STAT5B: variants seen among roughly 807,000 people sequenced by gnomAD.
STAT5B encodes the protein transcription factor STAT5B.
STAT5B carries 21 observed loss-of-function variants against 107.8 expected under a neutral mutation model. The observed-to-expected ratio is 0.19, with a 90% CI of 0.14 to 0.28. The LOEUF (loss-of-function observed/expected upper bound fraction) is 0.28, where lower values mean the gene tolerates loss of function less well. Ranked by LOEUF, STAT5B falls within the 10% of genes least tolerant of loss-of-function variation. The probability of loss-of-function intolerance (pLI) is 1.00; values close to 1 mark genes in which losing one functional copy is unlikely to be tolerated. For synonymous variants in STAT5B, 325 were observed against 401.7 expected, an observed-to-expected ratio of 0.81 and a Z score of 2.28; for missense variants, 565 against 1,008.2, an observed-to-expected ratio of 0.56 and a Z score of 5.95.
At chr17:42,258,151 TTTTAC>T (rs1274770808) in intron 1 of STAT5B, among the ~76,000 whole-genome samples, 39 of 152,340 alleles carry the variant, frequency 2.6e-4, no homozygotes, top group Non-Finnish European at 4.3e-4. Flanking sequence ...TGAGGAATAA[TTTTAC>T]ATTCAATAAA....
intron 5 of STAT5B, among the ~76,000 whole-genome samples, chr17:42,222,151 GTGTGTGTGA>G (rs928379911): frequency 1.3e-5 from 2 of 149,148 alleles, no homozygotes; most frequent in African/African-American, 5.0e-5. Context: ...TGTGTGTGCT[GTGTGTGTGA>G]TGTGTGTGGT....
chr17:42,205,524 C>A, intron 16 of STAT5B, among the ~76,000 whole-genome samples: 1 of 152,298 alleles, frequency 6.6e-6, no homozygotes, highest in African/African-American at 2.4e-5. Context: ...CCATTCTCAA[C>A]CCAGGATTTT....
chr17:42,279,773 C>T (rs531292465), upstream of STAT5B, among the ~76,000 whole-genome samples: 1 of 151,432 alleles, frequency 6.6e-6, no homozygotes, highest in Non-Finnish European at 1.5e-5. Flanking sequence ...TGCACTCCAG[C>T]CTGGGCAGCA....
upstream of STAT5B, chr17:42,276,452 G>T (rs1415812492): frequency 6.8e-6 from 1 of 147,892 alleles, no homozygotes; most frequent in Non-Finnish European, 1.5e-5. The surrounding 1 kb of genome is among the most constrained non-coding windows in gnomAD (Gnocchi z 4.8). Flanking sequence ...GAGGCCCAGG[G>T]ACGCGCGCCG....
intron 1 of STAT5B, among the ~76,000 whole-genome samples, chr17:42,255,086 T>C (rs1225436455): frequency 2.0e-5 from 3 of 151,652 alleles, no homozygotes; most frequent in Non-Finnish European, 4.4e-5. Context: ...CGAGACTCCG[T>C]CTAAAAAAAA....
Position 42,227,700 on chromosome 17 carries a change from TTACA to T in STAT5B, c.129-19_129-16del, listed in dbSNP as rs1304072610. 2 of 1,613,536 alleles carry T rather than the reference TTACA, an allele frequency of 1.2e-6. No individual in the cohort carries two copies. Among genetic ancestry groups the T allele is most frequent in the Admixed American group, 1.7e-5 (1 of 59,918 alleles). On this transcript the variant is annotated splice_polypyrimidine_tract_variant and intron_variant, in intron 2 of 18. Transcript: ENST00000293328. ...CTACTGAGTCCCTAGGGGAAAAAAATTACATAATCTGTATACATACATGCACGTG... is the reference window on the plus strand; with the variant it reads ...CTACTGAGTCCCTAGGGGAAAAAAATTAATCTGTATACATACATGCACGTG...
At chr17:42,262,904 A>G (rs1377972531) in intron 1 of STAT5B, among the ~76,000 whole-genome samples, 8 of 120,700 alleles carry the variant, frequency 6.6e-5, no homozygotes, top group South Asian at 2.5e-4. Flanking sequence ...GTGTATATAT[A>G]TGTGTATATA....
Position 42,201,660 on chromosome 17 carries a change from G to T in STAT5B, c.*78C>A, listed in dbSNP as rs562669599. The T allele has an allele frequency of 1.0e-5, 10 of 973,488 alleles. No homozygotes were observed. The highest frequency in any genetic ancestry group is 1.3e-5 in the Non-Finnish European group (8 of 595,862). The allele number at this position is 973,488 out of a possible 1,614,324, so 60.3% of individuals were successfully genotyped here. On this transcript the variant is annotated 3_prime_UTR_variant, in exon 19 of 19. Transcript: ENST00000293328. ...ATGAGTATTGTTTCAAAAGAGAAGC[G>T]ATTCATGGAATTAAAACATCCACAA...
At chr17:42,261,800 T>G (rs905617139) in intron 1 of STAT5B, among the ~76,000 whole-genome samples, 2 of 152,196 alleles carry the variant, frequency 1.3e-5, no homozygotes, top group Non-Finnish European at 2.9e-5. Context: ...GCTCAAGTGA[T>G]GAGCCCACCT....
intron 9 of STAT5B, 47 bp downstream of exon 9, chr17:42,218,104 A>G: frequency 6.3e-7 from 1 of 1,598,448 alleles, no homozygotes; most frequent in South Asian, 1.1e-5. Flanking sequence ...TCCTGTTGCC[A>G]GGACATGAGA....
intron 12 of STAT5B, 59 bp downstream of exon 12, chr17:42,215,955 A>G (rs2080168178): frequency 1.3e-6 from 2 of 1,560,626 alleles, no homozygotes; most frequent in Non-Finnish European, 1.8e-6. Context: ...TAATACATAA[A>G]TGAGATTCAT....
chr17:42,263,504 T>C (rs930960193), intron 1 of STAT5B, among the ~76,000 whole-genome samples: 1 of 152,132 alleles, frequency 6.6e-6, no homozygotes, highest in Non-Finnish European at 1.5e-5. Flanking sequence ...GGATTCCCTG[T>C]ATTATCATCT....
At chr17:42,259,035 T>A (rs2080571486) in intron 1 of STAT5B, among the ~76,000 whole-genome samples, 1 of 152,228 alleles carries the variant, frequency 6.6e-6, no homozygotes, top group African/African-American at 2.4e-5. Flanking sequence ...ATATGATTCT[T>A]TTCTAGACAA....
chr17:42,221,218 G>A (rs1334166818), intron 5 of STAT5B, among the ~76,000 whole-genome samples: 2 of 152,150 alleles, frequency 1.3e-5, no homozygotes, highest in East Asian at 1.9e-4. Context: ...ATCCAGGGAC[G>A]GACAGATCCA....
chr17:42,241,359 A>G (rs1377399507), intron 1 of STAT5B, among the ~76,000 whole-genome samples: 1 of 150,110 alleles, frequency 6.7e-6, no homozygotes, highest in African/African-American at 2.4e-5. Flanking sequence ...AAAAAAAAAG[A>G]GCAAATTCCC....
chr17:42,254,770 G>C (rs2080527772), intron 1 of STAT5B, among the ~76,000 whole-genome samples: 2 of 152,062 alleles, frequency 1.3e-5, no homozygotes, highest in African/African-American at 2.4e-5. Context: ...AAAGGAAGAT[G>C]TAATGAGAAT....
At chr17:42,248,272 C>A (rs2080468676) in intron 1 of STAT5B, among the ~76,000 whole-genome samples, 1 of 84,822 alleles carries the variant, frequency 1.2e-5, no homozygotes, top group Non-Finnish European at 2.3e-5. Flanking sequence ...AAGATCTTGT[C>A]CAAAAAAAAA....
Position 42,210,618 on chromosome 17 carries a change from A to C in STAT5B, c.1681-121T>G, listed in dbSNP as rs893618560. The C allele has an allele frequency of 3.1e-5, 29 of 932,386 alleles. 1 individual carries two copies. The highest frequency in any genetic ancestry group is 1.3e-4 in the East Asian group (5 of 38,556). The allele number at this position is 932,386 out of a possible 1,614,324, so 57.8% of individuals were successfully genotyped here. ...ATCTACCCTTGTCAGAGGCATACAA[A>C]TATCCCCGCCTACCTGAGTTTTACC... is the stretch of plus-strand genomic sequence containing the variant. On this transcript the variant is annotated intron_variant, in intron 13 of 18. Coordinates refer to ENST00000293328, the MANE Select transcript of STAT5B (RefSeq NM_012448.4).
intron 1 of STAT5B, among the ~76,000 whole-genome samples, chr17:42,267,201 TTGATAA>T (rs1304288003): frequency 6.6e-6 from 1 of 152,248 alleles, no homozygotes; most frequent in East Asian, 1.9e-4. Flanking sequence ...CAGTACATAC[TTGATAA>T]TGATAATAAA....
Sources: allele counts gnomAD v4.1 joint callset (sites outside exome capture counted in the v4.1 genomes callset), GRCh38; gene constraint gnomAD v4.1.1; non-coding constraint Gnocchi (gnomAD v3.1); transcripts MANE v1.5; gene names NCBI Gene and HGNC (gene_info 2026-07-23, HGNC 2026-07-21).